Variants in SLC41A2 observed in about 807,000 individuals in gnomAD.
The protein encoded by SLC41A2 is solute carrier family 41 member 2.
A neutral mutation model predicts 58.3 loss-of-function variants in SLC41A2; 32 were observed. That is an observed-to-expected ratio of 0.55 (90% CI 0.41 to 0.74). The LOEUF (loss-of-function observed/expected upper bound fraction) is 0.74, where lower values mean the gene tolerates loss of function less well. Ranked by LOEUF, SLC41A2 falls within the 30% of genes least tolerant of loss-of-function variation. The pLI, the probability that SLC41A2 is intolerant of heterozygous loss-of-function variation, is 0.00. For missense variants in SLC41A2, 514 were observed against 680.6 expected (o/e 0.76, Z 2.72); for synonymous variants, 190 against 235.0 (o/e 0.81, Z 1.75).
intron 10 of SLC41A2, among the ~76,000 whole-genome samples, chr12:104,833,554 C>T (rs2042110684): frequency 6.6e-6 from 1 of 152,152 alleles, no homozygotes; most frequent in South Asian, 2.1e-4. Flanking sequence ...GACGGTCTCA[C>T]CATCCTTTGA....
intron 9 of SLC41A2, among the ~76,000 whole-genome samples, chr12:104,845,242 G>C (rs1399355115): frequency 6.6e-6 from 1 of 152,086 alleles, no homozygotes; most frequent in Non-Finnish European, 1.5e-5. Flanking sequence ...AGTGAGCTGT[G>C]ATGGTACCAC....
At chr12:104,905,766 C>T (rs556602501) in intron 3 of SLC41A2, among the ~76,000 whole-genome samples, 4 of 152,366 alleles carry the variant, frequency 2.6e-5, no homozygotes, top group African/African-American at 9.6e-5. Flanking sequence ...GTGCTAAGTC[C>T]CCCATTGCCC....
intron 2 of SLC41A2, among the ~76,000 whole-genome samples, chr12:104,922,661 A>T (rs1249705342): frequency 6.6e-6 from 1 of 152,206 alleles, no homozygotes; most frequent in African/African-American, 2.4e-5. Context: ...GTTAAACCAC[A>T]CATTAGACCA....
At chr12:104,820,652 C>T (rs2468101) in intron 10 of SLC41A2, among the ~76,000 whole-genome samples, 96,100 of 150,792 alleles carry the variant, frequency 0.64, 30,968 homozygotes, top group African/African-American at 0.73. Context: ...GAATTTTTTT[C>T]TTTTTCCAGA....
intron 10 of SLC41A2, among the ~76,000 whole-genome samples, chr12:104,822,502 C>A (rs1239163663): frequency 6.6e-6 from 1 of 152,016 alleles, no homozygotes; most frequent in African/African-American, 2.4e-5. Context: ...GCATACACAC[C>A]AAAATTATTT....
intron 6 of SLC41A2, among the ~76,000 whole-genome samples, chr12:104,883,745 G>A (rs1236107875): frequency 1.3e-5 from 2 of 152,208 alleles, no homozygotes; most frequent in Non-Finnish European, 2.9e-5. Context: ...TGTATGAGGT[G>A]TCAGTTGGCC....
At chr12:104,895,217 G>T in intron 4 of SLC41A2, 57 bp downstream of exon 4, 1 of 1,257,284 alleles carries the variant, frequency 8.0e-7, no homozygotes, top group Non-Finnish European at 1.2e-6. Flanking sequence ...CAATCTTATA[G>T]ATTACAGTCA....
At chr12:104,953,364 A>G (rs941755001) in intron 1 of SLC41A2, among the ~76,000 whole-genome samples, 7 of 152,350 alleles carry the variant, frequency 4.6e-5, no homozygotes, top group African/African-American at 1.7e-4. Flanking sequence ...TGCAATGACA[A>G]CAGAACTTTC....
At chr12:104,823,216 A>G (rs1211144932) in intron 10 of SLC41A2, among the ~76,000 whole-genome samples, 1 of 152,182 alleles carries the variant, frequency 6.6e-6, no homozygotes, top group Non-Finnish European at 1.5e-5. Context: ...GAATAAAAGG[A>G]TGTTGATTTT....
At chr12:104,880,154 C>T (rs1018250505) in intron 6 of SLC41A2, among the ~76,000 whole-genome samples, 6 of 152,030 alleles carry the variant, frequency 3.9e-5, no homozygotes, top group African/African-American at 1.4e-4. Context: ...GTGATTTTTG[C>T]ACATTGATTT....
chr12:104,801,804 G>A lies in SLC41A2; in HGVS notation c.*3348C>T, dbSNP rs1046793336. On this transcript the variant is annotated 3_prime_UTR_variant, in exon 11 of 11. Transcript: ENST00000258538. ...AGCAATGCATTGGAGGTCTAGATAT[G>A]GTCAAAGCCCAATTTATTATAATTC... Among the ~76,000 whole-genome samples the A allele has an allele frequency of 2.0e-5, 3 of 152,114 alleles. No homozygotes were observed. The highest frequency in any genetic ancestry group is 3.4e-3 in the Middle Eastern group (1 of 294).
chr12:104,836,941 C>T (rs17036429), intron 10 of SLC41A2, among the ~76,000 whole-genome samples: 3,686 of 152,218 alleles, frequency 0.024, 98 homozygotes, highest in East Asian at 0.15. Flanking sequence ...TTTTGTAACA[C>T]ATCATCTGTA....
chr12:104,816,951 A>G (rs1472846394), intron 10 of SLC41A2, among the ~76,000 whole-genome samples: 1 of 152,188 alleles, frequency 6.6e-6, no homozygotes, highest in Admixed American at 6.5e-5. Context: ...TCCCATATAC[A>G]ATTATGCTTT....
intron 7 of SLC41A2, among the ~76,000 whole-genome samples, chr12:104,862,384 A>G (rs1213060394): frequency 6.6e-6 from 1 of 152,240 alleles, no homozygotes; most frequent in African/African-American, 2.4e-5. Flanking sequence ...GCCCTAATTA[A>G]AAGAATAAAG....
At chr12:104,943,588 C>T (rs7968627) in intron 1 of SLC41A2, among the ~76,000 whole-genome samples, 3,590 of 152,270 alleles carry the variant, frequency 0.024, 159 homozygotes, top group African/African-American at 0.082. Context: ...TTAATGACAT[C>T]GAAGGCACCT....
At chr12:104,806,605 G>A (rs929268332) in intron 10 of SLC41A2, among the ~76,000 whole-genome samples, 2 of 151,688 alleles carry the variant, frequency 1.3e-5, no homozygotes, top group African/African-American at 4.8e-5. Context: ...GGGTCAAATG[G>A]TATTTCTAGT....
At chr12:104,807,729 C>G (rs2040977210) in intron 10 of SLC41A2, among the ~76,000 whole-genome samples, 1 of 152,192 alleles carries the variant, frequency 6.6e-6, no homozygotes, top group Admixed American at 6.5e-5. Context: ...TTTGTATCCT[C>G]TTTTATTTCA....
intron 2 of SLC41A2, among the ~76,000 whole-genome samples, chr12:104,918,728 T>C (rs1486650581): frequency 6.6e-6 from 1 of 151,944 alleles, no homozygotes; most frequent in Non-Finnish European, 1.5e-5. Context: ...CATCACTTAC[T>C]CTTTCATACT....
intron 2 of SLC41A2, among the ~76,000 whole-genome samples, chr12:104,918,174 G>A (rs1365061105): frequency 6.6e-6 from 1 of 151,900 alleles, no homozygotes. Flanking sequence ...TAAGGACATA[G>A]GCACTCTTTT....
Sources: allele counts gnomAD v4.1 joint callset (sites outside exome capture counted in the v4.1 genomes callset), GRCh38; gene constraint gnomAD v4.1.1; transcripts MANE v1.5; gene names NCBI Gene and HGNC (gene_info 2026-07-23, HGNC 2026-07-21).